The following TACC1 variants were observed in gnomAD, a reference collection of about 807,000 sequenced individuals.
The protein encoded by TACC1 is transforming acidic coiled-coil containing protein 1, also known as transforming acidic coiled-coil-containing protein 1.
In TACC1, 48 loss-of-function variants were observed where a neutral mutation model predicts 84.4. The observed-to-expected ratio is 0.57, with a 90% confidence interval of 0.45 to 0.72. The LOEUF is 0.72. TACC1 is among the 30% of genes least tolerant of loss of function. The pLI is 0.00. For synonymous variants in TACC1, 372 were observed against 376.3 expected (o/e 0.99, Z 0.13); for missense variants, 920 against 973.0 (o/e 0.95, Z 0.72).
intron 3 of TACC1, among the ~76,000 whole-genome samples, chr8:38,751,060 C>G (rs1198567561): frequency 1.3e-5 from 2 of 152,076 alleles, no homozygotes; most frequent in Non-Finnish European, 2.9e-5. Flanking sequence ...AAGGAATGAA[C>G]CAATTTTATT....
Position 38,763,384 on chromosome 8 carries a change from C to T in TACC1, c.26+17891C>T, listed in dbSNP as rs115022490. 5.5e-3 allele frequency among the ~76,000 whole-genome samples: 832 copies of T among 152,166 alleles called. 9 individuals are homozygous for T. Among genetic ancestry groups the T allele is most frequent in the South Asian group, 0.031 (147 of 4,812 alleles). ...TGCCCAGGATATAGTCTCAAACTCC[C>T]GGCCTCAAATAATTCTCCCCCCTCA... On this transcript the variant is annotated intron_variant, in intron 3 of 14. Transcript: ENST00000518415.
chr8:38,840,948 C>G (rs1005854763), intron 9 of TACC1, among the ~76,000 whole-genome samples: 7 of 152,164 alleles, frequency 4.6e-5, no homozygotes, highest in Non-Finnish European at 8.8e-5. Flanking sequence ...ACTCGGGAGG[C>G]TGAGGCAGGA....
chr8:38,759,864 C>T (rs1189923181), intron 3 of TACC1, among the ~76,000 whole-genome samples: 1 of 152,166 alleles, frequency 6.6e-6, no homozygotes, highest in Non-Finnish European at 1.5e-5. Flanking sequence ...CTGCCTTGTT[C>T]AGATGTACAA....
At chr8:38,831,072 G>A in intron 5 of TACC1, 53 bp from the exon 6 acceptor site, 1 of 1,558,448 alleles carries the variant, frequency 6.4e-7, no homozygotes, top group African/African-American at 1.4e-5. Flanking sequence ...TTTCACTAGG[G>A]AGGAAAGGAA....
At chr8:38,823,435 A>G (rs1420750623) in intron 3 of TACC1, among the ~76,000 whole-genome samples, 3 of 152,148 alleles carry the variant, frequency 2.0e-5, no homozygotes, top group African/African-American at 7.2e-5. Context: ...TGCATACTGA[A>G]GTTGATAAGG....
At chr8:38,805,360 T>C (rs1822427627) in intron 2 of TACC1, 1 of 152,164 alleles carries the variant, frequency 6.6e-6, no homozygotes, top group Non-Finnish European at 1.5e-5. Flanking sequence ...CGAAAACAAA[T>C]GTAAAAAGGA....
At position 38,852,589 on chromosome 8, in the gene TACC1, C is replaced by T. The variant is rs1833240203; in HGVS notation, c.*4566C>T. 6.6e-6 allele frequency: 1 copy of T among 152,630 alleles called. No individual in the cohort carries two copies. Among genetic ancestry groups the T allele is most frequent in the Non-Finnish European group, 1.5e-5 (1 of 68,042 alleles). The allele number at this position is 152,630 out of a possible 1,614,324, so 9.5% of individuals were successfully genotyped here. A position where few individuals can be genotyped will look rare whatever the true frequency, so the allele number is the denominator to read the frequency against. On this transcript the variant is annotated 3_prime_UTR_variant, in exon 13 of 13. Transcript: ENST00000317827. The stretch of plus-strand genomic sequence containing the variant: ...CATCCCCAGTCCAGATACAGGGCAG[C>T]GTGTAGGTGACCACACCAGAGCCTC...
At chr8:38,768,634 G>T (rs1165472296) in intron 3 of TACC1, among the ~76,000 whole-genome samples, 2 of 152,116 alleles carry the variant, frequency 1.3e-5, no homozygotes, top group African/African-American at 4.8e-5. Context: ...GCAAGAAGCT[G>T]TGTCTTAGGA....
intron 2 of TACC1, among the ~76,000 whole-genome samples, chr8:38,809,243 G>A (rs546048876): frequency 4.6e-5 from 7 of 152,242 alleles, no homozygotes; most frequent in African/African-American, 1.7e-4. Context: ...AGGAACACAA[G>A]TACCAGTGAG....
At chr8:38,760,225 C>T (rs1160842198) in intron 3 of TACC1, among the ~76,000 whole-genome samples, 1 of 152,134 alleles carries the variant, frequency 6.6e-6, no homozygotes, top group Non-Finnish European at 1.5e-5. Context: ...CATAGATGTA[C>T]ATGAAAAGAA....
At chr8:38,806,411 A>G (rs916730091) in intron 2 of TACC1, among the ~76,000 whole-genome samples, 1 of 151,358 alleles carries the variant, frequency 6.6e-6, no homozygotes, top group Non-Finnish European at 1.5e-5. Flanking sequence ...GAATTAATTG[A>G]GGGGGGGCTC....
chr8:38,846,913 C>T, intron 12 of TACC1, 94 bp downstream of exon 12: 1 of 1,456,172 alleles, frequency 6.9e-7, no homozygotes, highest in African/African-American at 1.4e-5. Context: ...GTGAAAGAGG[C>T]CTTGGCTTTC....
rs572221632 is a variant in TACC1, at chr8:38,833,398, C to T, written c.1713+2221C>T. Among the ~76,000 whole-genome samples the T allele has an allele frequency of 4.1e-4, 63 of 152,266 alleles. 2 individuals are homozygous for T. The South Asian group carries it at 0.011, about 27-fold the overall frequency. On this transcript the variant is annotated intron_variant, in intron 6 of 12. Coordinates refer to ENST00000317827, the MANE Select transcript of TACC1 (RefSeq NM_006283.3). ...ACTAAGGAATGTAAAAAGTTAAATC[C>T]TAGGAGACTGGAAAAGATGGCTAAA... is the stretch of plus-strand genomic sequence containing the variant.
At chr8:38,822,585 C>T (rs1827127572) in intron 3 of TACC1, among the ~76,000 whole-genome samples, 1 of 152,098 alleles carries the variant, frequency 6.6e-6, no homozygotes, top group South Asian at 2.1e-4. Flanking sequence ...TTTACTTTAT[C>T]AACTTTTAAA....
intron 2 of TACC1, among the ~76,000 whole-genome samples, chr8:38,792,818 T>A (rs559753178): frequency 3.5e-4 from 53 of 152,222 alleles, no homozygotes; most frequent in African/African-American, 1.3e-3. Flanking sequence ...TAGGCTGATC[T>A]CGAACTCCTG....
At chr8:38,812,272 G>T (rs1317397883) in intron 2 of TACC1, among the ~76,000 whole-genome samples, 10 of 152,150 alleles carry the variant, frequency 6.6e-5, no homozygotes, top group African/African-American at 2.4e-5. Flanking sequence ...TCAGAAGCAT[G>T]TGATCTTTGT....
At chr8:38,824,091 G>C in intron 3 of TACC1, 1 of 1,206,132 alleles carries the variant, frequency 8.3e-7, no homozygotes, top group Non-Finnish European at 1.1e-6. Context: ...CCCTCCCCCA[G>C]CCATCTCTCC....
At chr8:38,751,661 AT>A (rs1335329766) in intron 3 of TACC1, among the ~76,000 whole-genome samples, 10 of 152,126 alleles carry the variant, frequency 6.6e-5, no homozygotes, top group East Asian at 3.8e-4. Flanking sequence ...AGGAATGTAC[AT>A]TTTTTGGACA....
In TACC1 at chr8:38,820,317, T is replaced by A. The variant is rs1250392994; in HGVS notation, c.1073T>A (p.Ile358Asn). The A allele has an allele frequency of 5.6e-6, 9 of 1,614,050 alleles. No homozygotes were observed. The highest frequency in any genetic ancestry group is 7.6e-6 in the Non-Finnish European group (9 of 1,180,018). Residue 358 changes from isoleucine to asparagine, a missense_variant, in exon 3 of 13, where the codon ATC becomes AAC. By Grantham distance (149) the Ile-to-Asn change is moderately radical. Around this residue, in one of 2 missense-constraint regions of TACC1, gnomAD observed 762 missense variants for 747.3 expected, o/e 1.02. Coordinates refer to ENST00000317827, the MANE Select transcript of TACC1 (RefSeq NM_006283.3). ...TLTPKIQKDG[I>N]SKSAGLEQPT... The stretch of plus-strand genomic sequence containing the variant: ...ACTCCCAAGATACAAAAAGATGGCA[T>A]CAGTAAGTCAGCAGGTTTAGAACAG...
Sources: gnomAD v4.1 joint callset for allele counts (sites outside exome capture counted in the v4.1 genomes callset) on GRCh38, gnomAD v4.1.1 for gene constraint, gnomAD v4.1.1 regional missense constraint, MANE v1.5 for transcripts, NCBI Gene and HGNC (gene_info 2026-07-23, HGNC 2026-07-21) for gene names.